The following GOSR2 variants were observed in gnomAD, a reference collection of about 807,000 sequenced individuals.
GOSR2 encodes golgi SNAP receptor complex member 2.
GOSR2 carries 20 observed loss-of-function variants against 27.9 expected under a neutral mutation model. That is an observed-to-expected ratio of 0.72 (90% confidence interval 0.50 to 1.04). The LOEUF (loss-of-function observed/expected upper bound fraction) is 1.04. Ranked by LOEUF, GOSR2 falls within the 50% of genes least tolerant of loss-of-function variation. GOSR2 has a pLI of 0.00. For synonymous variants in GOSR2, 91 were observed against 98.8 expected (o/e 0.92, Z 0.47); for missense variants, 261 against 270.5 (o/e 0.97, Z 0.25).
At chr17:46,965,347 G>A (rs1163234663) in intron 6 of GOSR2, among the ~76,000 whole-genome samples, 1 of 152,186 alleles carries the variant, frequency 6.6e-6, no homozygotes, top group Non-Finnish European at 1.5e-5. Context: ...AGTGTTGCCT[G>A]TGCTGACAAG....
chr17:46,943,343 C>G (rs377125414), downstream of GOSR2, among the ~76,000 whole-genome samples: 1 of 152,180 alleles, frequency 6.6e-6, no homozygotes, highest in South Asian at 2.1e-4. Context: ...CTTCGCTGCC[C>G]CTGCAGTGCA....
intron 6 of GOSR2, among the ~76,000 whole-genome samples, chr17:46,947,541 G>C (rs1452761090): frequency 6.6e-6 from 1 of 152,190 alleles, no homozygotes; most frequent in Admixed American, 6.5e-5. Flanking sequence ...AGGAAGACCT[G>C]GACATGATCT....
At chr17:46,923,304 T>G in intron 1 of GOSR2, 83 bp downstream of exon 1, 2 of 1,547,036 alleles carry the variant, frequency 1.3e-6, no homozygotes, top group Non-Finnish European at 1.7e-6. Context: ...GCCTCGGACG[T>G]CAGCCAGGGT....
rs570902830 is a variant in GOSR2, at chr17:46,928,747, C to T, written c.30-773C>T. Among the ~76,000 whole-genome samples the T allele has an allele frequency of 5.9e-5, 9 of 152,266 alleles. No individual in the cohort carries two copies. In the East Asian group the frequency reaches 7.7e-4, roughly 13 times the overall value. On this transcript the variant is annotated intron_variant, in intron 1 of 5. Coordinates refer to ENST00000640051, the MANE Select transcript of GOSR2 (RefSeq NM_004287.5). ...CACTTCAGCATCCTCTCCCCCAACC[C>T]GATTCCCTTTCAAGCAGCCCACCCT...
In GOSR2 at chr17:46,923,162, A is replaced by T. The variant is rs1473196188; in HGVS notation, c.-31A>T. On this transcript the variant is annotated 5_prime_UTR_variant, in exon 1 of 6. Coordinates refer to ENST00000640051, the MANE Select transcript of GOSR2 (RefSeq NM_004287.5). ...TGAGGACGTGTTCCGAGGAAGCCAG[A>T]GCCGGAGCCGTGGCCTGCGGGGCCG... is the stretch of plus-strand genomic sequence containing the variant. 4 of 1,428,966 alleles carry T rather than the reference A, an allele frequency of 2.8e-6. No homozygotes were observed. Among genetic ancestry groups the T allele is most frequent in the Non-Finnish European group, 3.9e-6 (4 of 1,035,704 alleles). 88.5% of individuals were successfully genotyped at this position (1,428,966 alleles called of 1,614,324 possible).
downstream of GOSR2, chr17:46,942,071 A>G: frequency 2.2e-6 from 1 of 464,560 alleles, no homozygotes; most frequent in Non-Finnish European, 2.8e-6. Context: ...ACTGAAACAG[A>G]TACAAAGAAG....
chr17:46,954,124 G>A, intron 6 of GOSR2, among the ~76,000 whole-genome samples: 1 of 152,270 alleles, frequency 6.6e-6, no homozygotes, highest in South Asian at 2.1e-4. Context: ...CCTATGTCCT[G>A]AATGGTATTG....
rs1272897861 is a variant in GOSR2, at chr17:46,926,508, T to G, written c.30-3012T>G. Among the ~76,000 whole-genome samples the G allele has an allele frequency of 3.9e-5, 6 of 152,206 alleles. No homozygotes were observed. The East Asian group carries it at 1.2e-3, about 29-fold the overall frequency. On this transcript the variant is annotated intron_variant, in intron 1 of 5. Coordinates refer to ENST00000640051, the MANE Select transcript of GOSR2 (RefSeq NM_004287.5). ...ATTTGCTACTATTTCTCTGCTTTGT[T>G]ATATTATCACCCAAGCCCACCATGG...
intron 4 of GOSR2, chr17:46,933,631 C>CT (rs5820637): frequency 0.87 from 117,859 of 135,254 alleles, 52,111 homozygotes; most frequent in Non-Finnish European, 0.95. Context: ...GTGGCATAAC[C>CT]TTTTTTTTTT....
chr17:46,974,257 G>A (rs947971592), intron 6 of GOSR2, among the ~76,000 whole-genome samples: 1 of 152,216 alleles, frequency 6.6e-6, no homozygotes, highest in African/African-American at 2.4e-5. Context: ...CCAGACGCTA[G>A]GTCTGCCATC....
At chr17:46,961,544 A>G (rs1352530239) in intron 6 of GOSR2, among the ~76,000 whole-genome samples, 1 of 152,222 alleles carries the variant, frequency 6.6e-6, no homozygotes, top group South Asian at 2.1e-4. Flanking sequence ...CTGTTAAAAA[A>G]AGAAGCAAAT....
downstream of GOSR2, among the ~76,000 whole-genome samples, chr17:46,946,723 C>G (rs895890645): frequency 1.3e-5 from 2 of 151,132 alleles, no homozygotes; most frequent in African/African-American, 2.4e-5. Context: ...ACTAGCCAGG[C>G]AAGTTGGTGT....
intron 4 of GOSR2, chr17:46,933,681 G>GCACTAGT (rs2087772016): frequency 7.0e-6 from 1 of 143,862 alleles, no homozygotes. Context: ...GGTAAAAACA[G>GCACTAGT]CACTAGTGGA....
Position 46,941,007 on chromosome 17 carries a change from T to C in GOSR2, c.*2247T>C. On this transcript the variant is annotated 3_prime_UTR_variant, in exon 6 of 6. Coordinates refer to ENST00000640051, the MANE Select transcript of GOSR2 (RefSeq NM_004287.5). ...AGGCCAGGGAAGGAGCACCCTCTAG[T>C]GGAGGCGGGGGTGAATTCTTAGGTC... 2 of 1,132,190 alleles carry C rather than the reference T, an allele frequency of 1.8e-6. No individual in the cohort carries two copies. Among genetic ancestry groups the C allele is most frequent in the South Asian group, 4.6e-5 (2 of 43,514 alleles). 70.1% of individuals were successfully genotyped at this position (1,132,190 alleles called of 1,614,324 possible).
chr17:46,936,965 T>TTA, intron 5 of GOSR2: 2 of 195,776 alleles, frequency 1.0e-5, no homozygotes, highest in Middle Eastern at 2.5e-3. Flanking sequence ...GTGTATTTAT[T>TTA]AAAAAAAAAA....
At chr17:46,973,999 G>A (rs894966035) in intron 6 of GOSR2, among the ~76,000 whole-genome samples, 5 of 152,266 alleles carry the variant, frequency 3.3e-5, no homozygotes, top group African/African-American at 4.8e-5. Flanking sequence ...AGCCACAGCC[G>A]TGCACCCCTC....
chr17:46,947,247 C>T (rs1038630641), intron 6 of GOSR2, among the ~76,000 whole-genome samples: 2 of 152,170 alleles, frequency 1.3e-5, no homozygotes, highest in African/African-American at 4.8e-5. Context: ...GCTCAGGAAG[C>T]AGGGCAGCCT....
intron 6 of GOSR2, among the ~76,000 whole-genome samples, chr17:46,972,333 C>T (rs1265382338): frequency 6.6e-6 from 1 of 152,250 alleles, no homozygotes; most frequent in Non-Finnish European, 1.5e-5. Flanking sequence ...CTCCTCCTCT[C>T]CCTTCTTCAT....
At chr17:46,975,874 G>T (rs1029740988), downstream of GOSR2, among the ~76,000 whole-genome samples, 2 of 129,652 alleles carry the variant, frequency 1.5e-5, no homozygotes, top group African/African-American at 6.0e-5. Context: ...AACTATGAAA[G>T]AAAGAAAGAA....
Sources: allele counts gnomAD v4.1 joint callset (sites outside exome capture counted in the v4.1 genomes callset), GRCh38; gene constraint gnomAD v4.1.1; transcripts MANE v1.5; gene names NCBI Gene and HGNC (gene_info 2026-07-23, HGNC 2026-07-21).